The following KCNQ5 variants were observed in gnomAD, a reference collection of about 807,000 sequenced individuals.
The protein encoded by KCNQ5 is potassium voltage-gated channel subfamily KQT member 5.
A neutral mutation model predicts 98.2 loss-of-function variants in KCNQ5; 30 were observed. That is an observed-to-expected ratio of 0.31 (90% confidence interval 0.23 to 0.41). The LOEUF (loss-of-function observed/expected upper bound fraction) is 0.41. Ranked by LOEUF, KCNQ5 falls within the 10% of genes least tolerant of loss-of-function variation. The pLI, the probability that KCNQ5 is intolerant of heterozygous loss-of-function variation, is 1.00. For missense variants in KCNQ5, 835 were observed against 1,182.5 expected (o/e 0.71, Z 4.31); for synonymous variants, 458 against 449.4 (o/e 1.02, Z -0.24).
chr6:72,938,849 ATGT>A (rs1165186547), intron 1 of KCNQ5, among the ~76,000 whole-genome samples: 37 of 152,272 alleles, frequency 2.4e-4, no homozygotes, highest in Middle Eastern at 6.8e-3. Flanking sequence ...AGAAATGTGG[ATGT>A]TGTTGTTGTT....
intron 3 of KCNQ5, among the ~76,000 whole-genome samples, chr6:73,073,210 G>T (rs1480120886): frequency 6.6e-6 from 1 of 152,158 alleles, no homozygotes; most frequent in Admixed American, 6.5e-5. Context: ...GTAAGGGCCA[G>T]CTCAACCACT....
intron 9 of KCNQ5, among the ~76,000 whole-genome samples, chr6:73,132,255 ACT>A (rs1172571884): frequency 6.6e-6 from 1 of 152,006 alleles, no homozygotes; most frequent in Non-Finnish European, 1.5e-5. Flanking sequence ...CTGCGGCTTT[ACT>A]CTCTCAGAGT....
At chr6:72,834,814 G>C (rs1395384859) in intron 1 of KCNQ5, among the ~76,000 whole-genome samples, 3 of 151,870 alleles carry the variant, frequency 2.0e-5, no homozygotes, top group Non-Finnish European at 4.4e-5. Flanking sequence ...TATTTTTGTT[G>C]TATGGCTCTC....
chr6:73,051,484 G>A (rs117824647), intron 3 of KCNQ5, among the ~76,000 whole-genome samples: 2,358 of 152,230 alleles, frequency 0.015, 24 homozygotes, highest in Non-Finnish European at 0.018. Context: ...TGTGGCCAGA[G>A]GTGCAGGAAC....
chr6:73,043,515 T>A (rs1248894983), intron 3 of KCNQ5, among the ~76,000 whole-genome samples: 1 of 152,208 alleles, frequency 6.6e-6, no homozygotes, highest in Non-Finnish European at 1.5e-5. Context: ...TCCCTGGAGA[T>A]GCTTTTTTCT....
chr6:72,789,351 T>C (rs1476118990), intron 1 of KCNQ5, among the ~76,000 whole-genome samples: 1 of 152,150 alleles, frequency 6.6e-6, no homozygotes, highest in Non-Finnish European at 1.5e-5. Flanking sequence ...ACATATGAGA[T>C]GAAATGAAGT....
intron 5 of KCNQ5, among the ~76,000 whole-genome samples, chr6:73,096,724 A>G (rs1388392026): frequency 6.6e-6 from 1 of 152,236 alleles, no homozygotes; most frequent in Non-Finnish European, 1.5e-5. Flanking sequence ...TAATTAACAT[A>G]TCCACCACTT....
At chr6:72,935,114 A>G (rs1025497378) in intron 1 of KCNQ5, among the ~76,000 whole-genome samples, 2 of 124,768 alleles carry the variant, frequency 1.6e-5, no homozygotes, top group African/African-American at 6.4e-5. Flanking sequence ...TCTTGTCACC[A>G]GGCTGGAGTG....
intron 1 of KCNQ5, among the ~76,000 whole-genome samples, chr6:72,968,577 C>A (rs1767730057): frequency 6.6e-6 from 1 of 152,024 alleles, no homozygotes; most frequent in African/African-American, 2.4e-5. Flanking sequence ...CTTTGACTTT[C>A]TAAGTTATAC....
At chr6:73,181,083 A>G (rs1250040872) in intron 11 of KCNQ5, among the ~76,000 whole-genome samples, 3 of 152,236 alleles carry the variant, frequency 2.0e-5, no homozygotes, top group South Asian at 2.1e-4. Flanking sequence ...GTTCGTGTGT[A>G]TATATAGATG....
chr6:72,782,359 C>T (rs1031745483), intron 1 of KCNQ5, among the ~76,000 whole-genome samples: 2 of 152,108 alleles, frequency 1.3e-5, no homozygotes, highest in African/African-American at 2.4e-5. Context: ...CACCCTATAC[C>T]GTGGTCCCAC....
intron 1 of KCNQ5, among the ~76,000 whole-genome samples, chr6:72,950,290 C>T (rs1766738508): frequency 6.6e-6 from 1 of 152,188 alleles, no homozygotes. Flanking sequence ...TCTTGGTAAA[C>T]AAACTGATTA....
At chr6:73,020,052 G>A (rs1207076326) in intron 2 of KCNQ5, among the ~76,000 whole-genome samples, 1 of 152,036 alleles carries the variant, frequency 6.6e-6, no homozygotes, top group Admixed American at 6.6e-5. Flanking sequence ...TACACCAGAT[G>A]TGTGGGGGTT....
chr6:73,023,501 A>G (rs556422007), intron 2 of KCNQ5, among the ~76,000 whole-genome samples: 1 of 152,286 alleles, frequency 6.6e-6, no homozygotes, highest in South Asian at 2.1e-4. Flanking sequence ...ATAAGGAAAT[A>G]GTAGCCACCA....
intron 1 of KCNQ5, among the ~76,000 whole-genome samples, chr6:72,785,337 G>A (rs913004045): frequency 6.6e-6 from 1 of 152,026 alleles, no homozygotes; most frequent in Admixed American, 6.6e-5. Context: ...ACATGACAAG[G>A]ATAGGGAGTT....
intron 1 of KCNQ5, among the ~76,000 whole-genome samples, chr6:72,869,367 G>A (rs1336246142): frequency 2.0e-5 from 3 of 152,246 alleles, no homozygotes; most frequent in Non-Finnish European, 2.9e-5. Flanking sequence ...TTACTTGAGA[G>A]CAGGAAACCA....
rs568333582 is a variant in KCNQ5 at position 73,104,531 on chromosome 6, C to T, written c.919-726C>T. The stretch of plus-strand genomic sequence containing the variant: ...TTTCAGAATCTACTCTATGTGTTCT[C>T]ACTGTTCTGCAGCTAGCCACCTCTT... On this transcript the variant is annotated intron_variant, in intron 5 of 13. Coordinates refer to ENST00000370398, the MANE Select transcript of KCNQ5 (RefSeq NM_019842.4). 3.3e-5 allele frequency among the ~76,000 whole-genome samples: 5 copies of T among 152,272 alleles called. 1 individual carries two copies. Among genetic ancestry groups the T allele is most frequent in the African/African-American group, 1.2e-4 (5 of 41,550 alleles).
chr6:73,128,083 T>A (rs1935534), intron 9 of KCNQ5, among the ~76,000 whole-genome samples: 145,667 of 152,082 alleles, frequency 0.96, 69,756 homozygotes, highest in South Asian at 0.99. Context: ...AAAAATAAAA[T>A]AAAATACAAG....
At chr6:72,903,364 C>T (rs1027588837) in intron 1 of KCNQ5, among the ~76,000 whole-genome samples, 3 of 152,020 alleles carry the variant, frequency 2.0e-5, no homozygotes, top group Non-Finnish European at 4.4e-5. Context: ...TTCCTTTCTT[C>T]TGCTAAGTTT....
Sources: allele counts gnomAD v4.1 joint callset (sites outside exome capture counted in the v4.1 genomes callset), GRCh38; gene constraint gnomAD v4.1.1; transcripts MANE v1.5; gene names NCBI Gene and HGNC (gene_info 2026-07-23, HGNC 2026-07-21).